Variants in THEMIS observed in about 807,000 individuals in gnomAD.
THEMIS encodes the protein protein THEMIS.
In THEMIS, 37 loss-of-function variants were observed where a neutral mutation model predicts 52.6. The observed-to-expected ratio is 0.70, with a 90% CI of 0.54 to 0.93. The LOEUF (loss-of-function observed/expected upper bound fraction) is 0.93. Ranked by LOEUF, THEMIS falls within the 40% of genes least tolerant of loss-of-function variation. The pLI, the probability that THEMIS is intolerant of heterozygous loss-of-function variation, is 0.00. For synonymous variants in THEMIS, 292 were observed against 272.7 expected, an observed-to-expected ratio of 1.07 and a Z score of -0.70; for missense variants, 808 against 763.1, an observed-to-expected ratio of 1.06 and a Z score of -0.69.
At chr6:127,833,030 C>T (rs1013697457) in intron 2 of THEMIS, among the ~76,000 whole-genome samples, 6 of 151,520 alleles carry the variant, frequency 4.0e-5, no homozygotes, top group Non-Finnish European at 7.4e-5. Flanking sequence ...GTGATCTGCC[C>T]GCCTCAGCCT....
chr6:127,788,715 A>T (rs1407738987), intron 4 of THEMIS, among the ~76,000 whole-genome samples: 1 of 152,232 alleles, frequency 6.6e-6, no homozygotes, highest in Non-Finnish European at 1.5e-5. Flanking sequence ...AAGAGGCAAT[A>T]CATTATTACA....
At chr6:127,915,942 G>A (rs1781516551) in intron 1 of THEMIS, among the ~76,000 whole-genome samples, 1 of 152,102 alleles carries the variant, frequency 6.6e-6, no homozygotes, top group Non-Finnish European at 1.5e-5. Context: ...AGCCGAGATT[G>A]TGCCACCACA....
At chr6:127,910,162 T>C (rs1045109274) in intron 1 of THEMIS, 1 of 152,158 alleles carries the variant, frequency 6.6e-6, no homozygotes, top group African/African-American at 2.4e-5. Flanking sequence ...CCTTTTTAAA[T>C]ATATAAACTA....
At chr6:127,742,479 T>C (rs756467061) in intron 4 of THEMIS, among the ~76,000 whole-genome samples, 6 of 152,082 alleles carry the variant, frequency 3.9e-5, no homozygotes, top group Admixed American at 1.3e-4. Context: ...ATGTTCACAG[T>C]AGTATTATTC....
intron 4 of THEMIS, among the ~76,000 whole-genome samples, chr6:127,735,877 G>A (rs1166995351): frequency 6.6e-6 from 1 of 152,168 alleles, no homozygotes; most frequent in Non-Finnish European, 1.5e-5. Context: ...AAATCAGCTA[G>A]TATATGCTCT....
chr6:127,834,884 G>T (rs973363580), intron 2 of THEMIS, among the ~76,000 whole-genome samples: 3 of 152,092 alleles, frequency 2.0e-5, no homozygotes, highest in Admixed American at 2.0e-4. Context: ...TAGGCCTAAA[G>T]CTTTATTGTA....
At chr6:127,730,356 A>C (rs576430355) in intron 4 of THEMIS, among the ~76,000 whole-genome samples, 3 of 136,230 alleles carry the variant, frequency 2.2e-5, no homozygotes, top group East Asian at 2.0e-4. Context: ...GAAGAGAAGA[A>C]AAGAGAAGAC....
At chr6:127,722,931 A>G (rs1023080069) in intron 4 of THEMIS, among the ~76,000 whole-genome samples, 1 of 151,964 alleles carries the variant, frequency 6.6e-6, no homozygotes, top group African/African-American at 2.4e-5. Flanking sequence ...GGATCTCCTT[A>G]CTACAAATGA....
intron 4 of THEMIS, among the ~76,000 whole-genome samples, chr6:127,728,554 T>A (rs1010591856): frequency 6.6e-6 from 1 of 152,230 alleles, no homozygotes; most frequent in Non-Finnish European, 1.5e-5. Context: ...TTAGTTAATT[T>A]ATACCAACTC....
At chr6:127,875,904 T>A (rs1005233457) in intron 1 of THEMIS, among the ~76,000 whole-genome samples, 1 of 152,214 alleles carries the variant, frequency 6.6e-6, no homozygotes, top group Non-Finnish European at 1.5e-5. Context: ...CATGTGATTA[T>A]AGCTAAATGA....
At chr6:127,907,337 A>ATTGTTTTTTTTTTT (rs1781297569) in intron 1 of THEMIS, among the ~76,000 whole-genome samples, 2 of 49,448 alleles carry the variant, frequency 4.0e-5, no homozygotes, top group African/African-American at 7.8e-5. Context: ...TTAGGCTCGG[A>ATTGTTTTTTTTTTT]TTTTTTTTTT....
intron 4 of THEMIS, among the ~76,000 whole-genome samples, chr6:127,734,685 A>G (rs1328891836): frequency 6.6e-6 from 1 of 151,686 alleles, no homozygotes. Context: ...CCTGGCTAAC[A>G]TGGTGAAACC....
At chr6:127,763,354 T>C (rs564149471) in intron 4 of THEMIS, among the ~76,000 whole-genome samples, 1 of 152,136 alleles carries the variant, frequency 6.6e-6, no homozygotes, top group African/African-American at 2.4e-5. Context: ...AATATTCGTG[T>C]TGTGGCTATG....
intron 1 of THEMIS, among the ~76,000 whole-genome samples, chr6:127,917,933 A>G (rs1365349334): frequency 1.3e-5 from 2 of 152,228 alleles, no homozygotes; most frequent in South Asian, 2.1e-4. Flanking sequence ...TAATAAATTT[A>G]TCCTTTCTAC....
intron 1 of THEMIS, among the ~76,000 whole-genome samples, chr6:127,915,847 C>T (rs546102325): frequency 1.9e-4 from 29 of 151,772 alleles, no homozygotes; most frequent in Non-Finnish European, 3.7e-4. Context: ...ATTAGTCAGG[C>T]GTGGTGGCAC....
At chr6:127,795,227 C>T (rs1222393234) in intron 4 of THEMIS, among the ~76,000 whole-genome samples, 1 of 152,128 alleles carries the variant, frequency 6.6e-6, no homozygotes, top group African/African-American at 2.4e-5. Context: ...AATAGAAAAC[C>T]ATTTGCCAAG....
chr6:127,781,130 T>C (rs1300090841), intron 4 of THEMIS, among the ~76,000 whole-genome samples: 2 of 151,910 alleles, frequency 1.3e-5, no homozygotes, highest in Non-Finnish European at 2.9e-5. Context: ...TTCAAGCTTA[T>C]TTCATTAAGT....
chr6:127,897,233 A>T (rs1389344652), intron 1 of THEMIS, among the ~76,000 whole-genome samples: 1 of 151,458 alleles, frequency 6.6e-6, no homozygotes, highest in Non-Finnish European at 1.5e-5. Context: ...TCATGAACTT[A>T]GGGTAAAGAA....
chr6:127,739,539 G>A (rs1388217431), intron 4 of THEMIS, among the ~76,000 whole-genome samples: 3 of 152,174 alleles, frequency 2.0e-5, no homozygotes, highest in Non-Finnish European at 4.4e-5. Context: ...TGCTAGGGAG[G>A]CTGAGGCAGG....
Sources: gnomAD v4.1 joint callset for allele counts (sites outside exome capture counted in the v4.1 genomes callset) on GRCh38, gnomAD v4.1.1 for gene constraint, MANE v1.5 for transcripts, NCBI Gene and HGNC (gene_info 2026-07-23, HGNC 2026-07-21) for gene names.